The following HYAL4 variants were observed in gnomAD, a reference collection of about 807,000 sequenced individuals.
HYAL4 encodes the protein hyaluronidase 4.
HYAL4 carries 37 observed loss-of-function variants against 35.2 expected under a neutral mutation model. That is an observed-to-expected ratio of 1.05 (90% CI 0.81 to 1.38). The LOEUF (loss-of-function observed/expected upper bound fraction) is 1.38, where lower values mean the gene tolerates loss of function less well. Among genes scored for constraint, HYAL4 ranks in the 40% most tolerant of loss-of-function variants. The pLI is 0.00. For synonymous variants in HYAL4, 198 were observed against 203.2 expected (o/e 0.97, Z 0.22); for missense variants, 572 against 572.4 (o/e 1.00, Z 0.01).
At chr7:123,783,629 A>G in the HYAL4 span, among the ~76,000 whole-genome samples, 1 of 152,164 alleles carries the variant, frequency 6.6e-6, no homozygotes, top group Non-Finnish European at 1.5e-5. Flanking sequence ...TGTTTGCACA[A>G]TTCCAGTAGA....
At position 123,874,742 on chromosome 7, in the gene HYAL4, TCTA is replaced by T; in HGVS notation, c.955-16_955-14del. ...TTTTACATTCAAATTAATAATGAAC[TCTA>T]CTGTCTTCAATCTAGCAAGATCTAG... On this transcript the variant is annotated splice_polypyrimidine_tract_variant and intron_variant, in intron 3 of 4. Coordinates refer to ENST00000223026, the MANE Select transcript of HYAL4 (RefSeq NM_012269.3). 6.9e-7 allele frequency: 1 copy of T among 1,444,266 alleles called. No homozygotes were observed. Among genetic ancestry groups the T allele is most frequent in the Non-Finnish European group, 9.8e-7 (1 of 1,025,356 alleles). The allele number at this position is 1,444,266 out of a possible 1,614,324, so 89.5% of individuals were successfully genotyped here.
chr7:123,813,940 T>C, the HYAL4 span, among the ~76,000 whole-genome samples: 3 of 152,180 alleles, frequency 2.0e-5, no homozygotes, highest in East Asian at 1.9e-4. Context: ...GTGAAACTTT[T>C]TATAGTTTTT....
At chr7:123,869,447 G>A (rs1045378438) in intron 3 of HYAL4, among the ~76,000 whole-genome samples, 1 of 152,180 alleles carries the variant, frequency 6.6e-6, no homozygotes, top group African/African-American at 2.4e-5. Flanking sequence ...AAAGTAAGGT[G>A]AGAAAGGGTT....
At chr7:123,862,161 T>G (rs1168204595) in intron 2 of HYAL4, among the ~76,000 whole-genome samples, 1 of 152,158 alleles carries the variant, frequency 6.6e-6, no homozygotes, top group Non-Finnish European at 1.5e-5. Flanking sequence ...GCTTTGAACT[T>G]GATGGTTCTG....
chr7:123,873,986 C>T (rs1722412854), intron 3 of HYAL4, among the ~76,000 whole-genome samples: 1 of 152,074 alleles, frequency 6.6e-6, no homozygotes, highest in African/African-American at 2.4e-5. Flanking sequence ...CTTTGCCTGG[C>T]CTTGGAATTG....
chr7:123,832,476 ATACTTTTT>A (rs1805898532), intron 1 of HYAL4, among the ~76,000 whole-genome samples: 14 of 58,452 alleles, frequency 2.4e-4, no homozygotes, highest in Non-Finnish European at 3.9e-4. Context: ...CTATTGTGTC[ATACTTTTT>A]TTTTTTTTTT....
chr7:123,830,673 T>A (rs897836615), intron 1 of HYAL4, among the ~76,000 whole-genome samples: 10 of 152,222 alleles, frequency 6.6e-5, no homozygotes, highest in Non-Finnish European at 8.8e-5. Flanking sequence ...ACAAGCAGTA[T>A]GTTATAATCA....
the HYAL4 span, among the ~76,000 whole-genome samples, chr7:123,789,367 T>C: frequency 2.0e-5 from 3 of 152,200 alleles, no homozygotes; most frequent in Admixed American, 2.0e-4. Context: ...GAGAATGGAC[T>C]ATAATCCATT....
At chr7:123,851,917 T>C (rs1269736273) in intron 2 of HYAL4, among the ~76,000 whole-genome samples, 1 of 152,226 alleles carries the variant, frequency 6.6e-6, no homozygotes, top group Non-Finnish European at 1.5e-5. Context: ...TTCCTGACTT[T>C]TTAATGATTG....
chr7:123,779,932 TAAA>T, the HYAL4 span, among the ~76,000 whole-genome samples: 8 of 152,216 alleles, frequency 5.3e-5, no homozygotes, highest in Non-Finnish European at 7.4e-5. Flanking sequence ...CAAATACACA[TAAA>T]AAACTATCAT....
At chr7:123,855,829 G>T (rs1210508061) in intron 2 of HYAL4, among the ~76,000 whole-genome samples, 1 of 152,062 alleles carries the variant, frequency 6.6e-6, no homozygotes, top group Non-Finnish European at 1.5e-5. Context: ...TCACTTTCAG[G>T]TAAACCAATC....
chr7:123,789,883 G>A, the HYAL4 span, among the ~76,000 whole-genome samples: 1 of 152,190 alleles, frequency 6.6e-6, no homozygotes, highest in African/African-American at 2.4e-5. Context: ...GCCAGAGCGA[G>A]AGTGAGAATG....
At chr7:123,864,274 A>G (rs1477077420) in intron 2 of HYAL4, among the ~76,000 whole-genome samples, 1 of 152,158 alleles carries the variant, frequency 6.6e-6, no homozygotes, top group Non-Finnish European at 1.5e-5. Flanking sequence ...GGGCCTTTAA[A>G]ATGTCTTCAC....
At chr7:123,860,173 A>T (rs1242463628) in intron 2 of HYAL4, among the ~76,000 whole-genome samples, 1 of 152,164 alleles carries the variant, frequency 6.6e-6, no homozygotes, top group African/African-American at 2.4e-5. Flanking sequence ...CTTGTGAAGA[A>T]GGCACTTAAT....
rs772648987 is a variant in HYAL4 at position 123,876,745 on chromosome 7, C to T, written c.1045-9C>T. ...ACACACTAAAATTGATTTCTTCCTA[C>T]ATTTCTAGGCCAACTGTACAAAGGT... On this transcript the variant is annotated splice_polypyrimidine_tract_variant and intron_variant, in intron 4 of 4. Coordinates refer to ENST00000223026, the MANE Select transcript of HYAL4 (RefSeq NM_012269.3). 25 of 1,601,562 alleles carry T rather than the reference C, an allele frequency of 1.6e-5. No individual in the cohort carries two copies. In the South Asian group the frequency reaches 2.7e-4, roughly 17 times the overall value.
At chr7:123,848,450 C>G (rs1234696561) in intron 2 of HYAL4, among the ~76,000 whole-genome samples, 1 of 152,068 alleles carries the variant, frequency 6.6e-6, no homozygotes, top group African/African-American at 2.4e-5. Flanking sequence ...CTACTCAAGG[C>G]TTTCTTCATT....
chr7:123,807,432 G>GTTTGTT, the HYAL4 span, among the ~76,000 whole-genome samples: 9 of 120,802 alleles, frequency 7.5e-5, no homozygotes, highest in African/African-American at 2.5e-4. Context: ...ACTTTTTATG[G>GTTTGTT]TTTTTTTTTT....
At chr7:123,824,181 G>T (rs369098496), upstream of HYAL4, among the ~76,000 whole-genome samples, 2 of 152,206 alleles carry the variant, frequency 1.3e-5, no homozygotes, top group Admixed American at 6.5e-5. Flanking sequence ...TACAATGAAA[G>T]AAATAATAGT....
chr7:123,842,727 A>C (rs1806094447), upstream of HYAL4, among the ~76,000 whole-genome samples: 1 of 151,886 alleles, frequency 6.6e-6, no homozygotes, highest in Admixed American at 6.6e-5. Context: ...CTTCTTGTGG[A>C]ATTGATCCCT....
Sources: allele counts gnomAD v4.1 joint callset (sites outside exome capture counted in the v4.1 genomes callset), GRCh38; gene constraint gnomAD v4.1.1; transcripts MANE v1.5; gene names NCBI Gene and HGNC (gene_info 2026-07-23, HGNC 2026-07-21).